The following TSG101 variants were observed in gnomAD, a reference collection of about 807,000 sequenced individuals.
TSG101 encodes tumor susceptibility gene 101 protein.
TSG101 carries 19 observed loss-of-function variants against 48.5 expected under a neutral mutation model. The observed-to-expected ratio is 0.39, with a 90% confidence interval of 0.27 to 0.58. TSG101 has a LOEUF of 0.58. Ranked by LOEUF, TSG101 falls within the 20% of genes least tolerant of loss-of-function variation. The pLI is 0.55. For missense variants in TSG101, 365 were observed against 484.4 expected (o/e 0.75, Z 2.31); for synonymous variants, 174 against 169.4 (o/e 1.03, Z -0.21).
chr11:18,512,242 T>C (rs937173046), intron 4 of TSG101, among the ~76,000 whole-genome samples: 1 of 151,836 alleles, frequency 6.6e-6, no homozygotes, highest in Non-Finnish European at 1.5e-5. Flanking sequence ...CCATCTCTAC[T>C]AAAAAATACA....
At chr11:18,495,595 T>C (rs914920974) in intron 7 of TSG101, among the ~76,000 whole-genome samples, 2 of 152,122 alleles carry the variant, frequency 1.3e-5, no homozygotes, top group South Asian at 2.1e-4. Flanking sequence ...GTATAGTCAG[T>C]TTATGTTTTG....
intron 1 of TSG101, among the ~76,000 whole-genome samples, chr11:18,520,980 G>A (rs1173287949): frequency 6.6e-6 from 1 of 151,608 alleles, no homozygotes; most frequent in Admixed American, 6.6e-5. Flanking sequence ...GCAGTGAGCC[G>A]AGATCGTGCC....
Position 18,509,807 on chromosome 11 carries a change from ATTTAT to A in TSG101, c.358-147_358-143del, listed in dbSNP as rs373365304. 242 of 905,288 alleles carry A rather than the reference ATTTAT, an allele frequency of 2.7e-4. 3 individuals carry two copies. The East Asian group carries it at 3.4e-3, about 13-fold the overall frequency. The allele number at this position is 905,288 out of a possible 1,614,324, so 56.1% of individuals were successfully genotyped here. A position where few individuals can be genotyped will look rare whatever the true frequency, so the allele number is the denominator to read the frequency against. On this transcript the variant is annotated intron_variant, in intron 4 of 9. Coordinates refer to ENST00000251968, the MANE Select transcript of TSG101 (RefSeq NM_006292.4). ...CAATCATGAAAATTTCATTTAATTA[ATTTAT>A]TTTAATAGAGTTAAGTGGTTTTAAA... is the stretch of plus-strand genomic sequence containing the variant.
intron 5 of TSG101, chr11:18,508,519 A>G (rs944980812): frequency 1.2e-4 from 19 of 152,130 alleles, no homozygotes; most frequent in African/African-American, 4.1e-4. Flanking sequence ...CTTAAGCAAG[A>G]TACTCTACTC....
intron 8 of TSG101, among the ~76,000 whole-genome samples, chr11:18,483,220 C>T (rs1021694922): frequency 6.6e-6 from 1 of 152,098 alleles, no homozygotes; most frequent in African/African-American, 2.4e-5. Context: ...TTTGGCTGGG[C>T]ACAGTGGCTC....
At chr11:18,524,980 G>A (rs1468997760) in intron 1 of TSG101, among the ~76,000 whole-genome samples, 1 of 146,712 alleles carries the variant, frequency 6.8e-6, no homozygotes, top group South Asian at 2.1e-4. Context: ...GCCTGATCTC[G>A]ACTCACTGCA....
chr11:18,513,715 G>C (rs192620210), intron 4 of TSG101, among the ~76,000 whole-genome samples: 8 of 152,300 alleles, frequency 5.3e-5, no homozygotes, highest in African/African-American at 1.7e-4. Context: ...TAGAGACTCT[G>C]CAGGTTTCTC....
chr11:18,501,576 G>C lies in TSG101; in HGVS notation c.640+910C>G, dbSNP rs113853985. Among the ~76,000 whole-genome samples, 184 of 152,252 alleles carry C rather than the reference G, an allele frequency of 1.2e-3. 4 individuals are homozygous for C. The highest frequency in any genetic ancestry group is 4.2e-3 in the African/African-American group (176 of 41,552). On this transcript the variant is annotated intron_variant, in intron 7 of 9. Transcript: ENST00000251968. ...TTCCAGCTTTGTTCTTTTAGTTCAA[G>C]ATCACTTTGGCTATTTGGCTTCTTT...
intron 7 of TSG101, among the ~76,000 whole-genome samples, chr11:18,494,739 G>C (rs768123462): frequency 6.6e-6 from 1 of 152,174 alleles, no homozygotes; most frequent in African/African-American, 2.4e-5. Context: ...CTGCACACAA[G>C]CAAGCGTGCA....
rs754558645 is a variant in TSG101 at position 18,484,015 on chromosome 11, G to A, written c.698C>T (p.Ala233Val). Residue 233 changes from alanine to valine, a missense_variant, in exon 8 of 10, where the codon GCG becomes GTG. Physicochemically the swap from Ala to Val is moderately conservative, Grantham distance 64. Coordinates refer to ENST00000251968, the MANE Select transcript of TSG101 (RefSeq NM_006292.4). Reference protein sequence around the residue: ...EDTIRASLISAVSDKLRWRMK... With the variant: ...EDTIRASLISVVSDKLRWRMK... ...CCGCCATCTCAGTTTGTCACTGACC[G>A]CAGAGATGAGAGAGGCTCGGATGGT... 2 of 1,614,172 alleles carry A rather than the reference G, an allele frequency of 1.2e-6. No homozygotes were observed. The highest frequency in any genetic ancestry group is 1.1e-5 in the South Asian group (1 of 91,088).
chr11:18,515,666 T>C (rs1850158284), intron 3 of TSG101, among the ~76,000 whole-genome samples: 1 of 152,224 alleles, frequency 6.6e-6, no homozygotes, highest in Non-Finnish European at 1.5e-5. Context: ...TATCCAAATG[T>C]CAAAGATATC....
chr11:18,481,255 A>C, intron 9 of TSG101: 1 of 981,010 alleles, frequency 1.0e-6, no homozygotes, highest in Non-Finnish European at 1.2e-6. Flanking sequence ...ATATAACTCT[A>C]AGAAAATTAA....
intron 7 of TSG101, among the ~76,000 whole-genome samples, chr11:18,501,519 G>A (rs1042610628): frequency 6.6e-6 from 1 of 152,148 alleles, no homozygotes; most frequent in Non-Finnish European, 1.5e-5. Context: ...CTATAACCTT[G>A]TAATATATTT....
At position 18,526,867 on chromosome 11, in the gene TSG101, T is replaced by C. The variant is rs745447761; in HGVS notation, c.-51A>G. The C allele has an allele frequency of 3.2e-6, 5 of 1,579,832 alleles. No individual in the cohort carries two copies. Among genetic ancestry groups the C allele is most frequent in the South Asian group, 1.1e-5 (1 of 88,360 alleles). On this transcript the variant is annotated 5_prime_UTR_variant, in exon 1 of 10. Transcript: ENST00000251968. ...CCGCAGGCAGAGGGTCAGCCGCTGC[T>C]GGGCTGCCCCAGACCGTCCCACACA...
chr11:18,506,804 G>T, intron 6 of TSG101, 53 bp downstream of exon 6: 1 of 1,399,566 alleles, frequency 7.1e-7, no homozygotes, highest in Non-Finnish European at 9.7e-7. Context: ...TTTGATTCTA[G>T]ATCTAATAGA....
At chr11:18,513,667 G>A (rs768823715) in intron 4 of TSG101, among the ~76,000 whole-genome samples, 56 of 152,152 alleles carry the variant, frequency 3.7e-4, no homozygotes, top group Non-Finnish European at 8.1e-4. Context: ...TTGGTAGACA[G>A]AACAGCAACT....
At chr11:18,502,451 T>G in intron 7 of TSG101, 35 bp downstream of exon 7, 1 of 1,562,666 alleles carries the variant, frequency 6.4e-7, no homozygotes, top group Non-Finnish European at 8.8e-7. Flanking sequence ...AGACTTTGCT[T>G]ATATGGTGAA....
rs142946177 is a variant in TSG101, at chr11:18,497,653, A to G, written c.640+4833T>C. The stretch of plus-strand genomic sequence containing the variant: ...TCAAAAGGATTATACTATTATTTCA[A>G]TGAGAAACAGGGTGACAAACAGCAC... On this transcript the variant is annotated intron_variant, in intron 7 of 9. Coordinates refer to ENST00000251968, the MANE Select transcript of TSG101 (RefSeq NM_006292.4). Among the ~76,000 whole-genome samples the G allele has an allele frequency of 4.3e-3, 658 of 152,368 alleles. 5 individuals carry two copies. Among genetic ancestry groups the G allele is most frequent in the Non-Finnish European group, 7.5e-3 (507 of 68,028 alleles).
intron 8 of TSG101, among the ~76,000 whole-genome samples, chr11:18,483,175 C>T (rs553945192): frequency 2.6e-5 from 4 of 152,186 alleles, no homozygotes; most frequent in South Asian, 4.1e-4. Context: ...GCTTCCTCCT[C>T]ATTTCCTCTT....
Sources: allele counts gnomAD v4.1 joint callset (sites outside exome capture counted in the v4.1 genomes callset), GRCh38; gene constraint gnomAD v4.1.1; transcripts MANE v1.5; gene names NCBI Gene and HGNC (gene_info 2026-07-23, HGNC 2026-07-21).